The following RIPK1 variants were observed in gnomAD, a reference collection of about 807,000 sequenced individuals.
The protein encoded by RIPK1 is receptor interacting serine/threonine kinase 1.
RIPK1 carries 27 observed loss-of-function variants against 62.4 expected under a neutral mutation model. That is an observed-to-expected ratio of 0.43 (90% CI 0.32 to 0.60). The LOEUF is 0.60. Ranked by LOEUF, RIPK1 falls within the 20% of genes least tolerant of loss-of-function variation. RIPK1 has a pLI of 0.07. For synonymous variants in RIPK1, 287 were observed against 303.2 expected, an observed-to-expected ratio of 0.95 and a Z score of 0.55; for missense variants, 735 against 831.0, an observed-to-expected ratio of 0.88 and a Z score of 1.42.
chr6:3,072,408 ACAC>A lies in RIPK1; in HGVS notation c.-61+3748_-61+3750del, dbSNP rs1758771893. ...CTATTTACATATATATATATATAAA[ACAC>A]ACACAAATGTGAATATAATTTTTAC... On this transcript the variant is annotated intron_variant, in intron 1 of 10. Coordinates refer to ENST00000259808, the MANE Select transcript of RIPK1 (RefSeq NM_001354930.2). The surrounding 1 kb of genome is among the most constrained non-coding windows in gnomAD (Gnocchi z 5.6). 1.4e-5 allele frequency among the ~76,000 whole-genome samples: 2 copies of A among 147,124 alleles called. No homozygotes were observed. The highest frequency in any genetic ancestry group is 1.3e-4 in the Admixed American group (2 of 14,932).
rs1425436256 is a variant in RIPK1, at chr6:3,113,268, C to G, written c.1945C>G (p.Leu649Val). The G allele has an allele frequency of 3.7e-6, 6 of 1,613,990 alleles. No individual in the cohort carries two copies. Among genetic ancestry groups the G allele is most frequent in the Non-Finnish European group, 5.1e-6 (6 of 1,180,022 alleles). Residue 649 changes from leucine (L) to valine (V), a missense_variant, in exon 11 of 11, where the codon CTG (leucine) becomes GTG (valine). Coordinates refer to ENST00000259808, the MANE Select transcript of RIPK1 (RefSeq NM_001354930.2). The surrounding 1 kb of genome is among the most constrained non-coding windows in gnomAD (Gnocchi z 5.0). ...EGIKGATVGK[L>V]AQALHQCSRI... ...CATAAAGGGAGCCACGGTGGGGAAG[C>G]TGGCCCAGGCGCTCCACCAGTGTTC...
intron 7 of RIPK1, among the ~76,000 whole-genome samples, chr6:3,094,998 G>A (rs1292819175): frequency 6.6e-6 from 1 of 152,018 alleles, no homozygotes. Context: ...TTTGAGGCTG[G>A]AGTAAGCTAT....
chr6:3,073,303 T>C (rs1241650954), intron 1 of RIPK1, among the ~76,000 whole-genome samples: 2 of 151,792 alleles, frequency 1.3e-5, no homozygotes, highest in East Asian at 3.9e-4. Context: ...TACGTATACA[T>C]ACATGAACGT....
upstream of RIPK1, chr6:3,068,488 G>A (rs529314043): frequency 1.9e-3 from 1,895 of 985,286 alleles, 13 homozygotes; most frequent in African/African-American, 0.017. Flanking sequence ...AGGAGGCAGC[G>A]CGAACAGTCC....
Position 3,077,905 on chromosome 6 carries a change from G to T in RIPK1, c.291G>T (p.Lys97Asn), listed in dbSNP as rs776087269. 2.5e-5 allele frequency: 41 copies of T among 1,614,070 alleles called. No homozygotes were observed. The highest frequency in any genetic ancestry group is 3.4e-5 in the Non-Finnish European group (40 of 1,180,046). The change falls in exon 3 of 11, where the codon AAG becomes AAT. Residue 97 changes from lysine (K) to asparagine (N), a missense_variant. Physicochemically the swap from Lys to Asn is moderately conservative, Grantham distance 94. This residue lies in a region of RIPK1 where 671 missense variants were observed against 726.2 expected (regional missense o/e 0.92). Coordinates refer to ENST00000259808, the MANE Select transcript of RIPK1 (RefSeq NM_001354930.2). ...CCCTGGTGATGGAGTACATGGAGAAGGGCAACCTGATGCACGTGCTGAAAG... is the reference window on the plus strand; with the variant it reads ...CCCTGGTGATGGAGTACATGGAGAATGGCAACCTGATGCACGTGCTGAAAG... ...KYSLVMEYMEKGNLMHVLKAE... is the reference protein window; with the variant it reads ...KYSLVMEYMENGNLMHVLKAE...
chr6:3,067,051 AT>A (rs36132424), upstream of RIPK1, among the ~76,000 whole-genome samples: 2,015 of 59,040 alleles, frequency 0.034, 23 homozygotes, highest in African/African-American at 0.1. Flanking sequence ...TTGCTCCAGG[AT>A]TTTTTTTTTT....
At position 3,089,601 on chromosome 6, in the gene RIPK1, C is replaced by G; in HGVS notation, c.859C>G (p.Pro287Ala). The G allele has an allele frequency of 6.4e-7, 1 of 1,560,530 alleles. No homozygotes were observed. Among genetic ancestry groups the G allele is most frequent in the Non-Finnish European group, 8.8e-7 (1 of 1,135,758 alleles). ...TFPGIEEKFR[P>A]FYLSQLEESV... The stretch of plus-strand genomic sequence containing the variant: ...TACAGGCATTGAAGAAAAATTTAGG[C>G]CTTTTTATTTAAGTCAATTAGAAGA... The change falls in exon 7 of 11, where the codon CCT (proline) becomes GCT (alanine). Residue 287 changes from proline (P) to alanine (A), a missense_variant. Physicochemically the swap from Pro to Ala is conservative, Grantham distance 27. This residue lies in a region of RIPK1 where 671 missense variants were observed against 726.2 expected (regional missense o/e 0.92). Coordinates refer to ENST00000259808, the MANE Select transcript of RIPK1 (RefSeq NM_001354930.2).
intron 9 of RIPK1, among the ~76,000 whole-genome samples, chr6:3,107,227 G>C (rs1201588747): frequency 6.6e-6 from 1 of 150,728 alleles, no homozygotes; most frequent in Non-Finnish European, 1.5e-5. Context: ...ACTCCAGCCT[G>C]GGCAACAGAG....
chr6:3,098,315 C>A (rs777635963), intron 7 of RIPK1, among the ~76,000 whole-genome samples: 1 of 152,146 alleles, frequency 6.6e-6, no homozygotes, highest in Non-Finnish European at 1.5e-5. Flanking sequence ...CCAGTTAAAA[C>A]AGGGATGAAA....
At chr6:3,065,120 G>A (rs1441314647), upstream of RIPK1, among the ~76,000 whole-genome samples, 5 of 151,950 alleles carry the variant, frequency 3.3e-5, no homozygotes, top group African/African-American at 1.2e-4. Context: ...AGCCGGGCGT[G>A]GTGGCGGGCG....
In RIPK1 at chr6:3,083,071, A is replaced by C; in HGVS notation, c.460-14A>C. ...CTTCACCAAACAATCCCAGTGGCTCAATGTCTTTCGCAGATCGCAGACCTC... is the reference window on the plus strand; with the variant it reads ...CTTCACCAAACAATCCCAGTGGCTCCATGTCTTTCGCAGATCGCAGACCTC... On this transcript the variant is annotated splice_polypyrimidine_tract_variant and intron_variant, in intron 4 of 10. Transcript: ENST00000259808. The C allele has an allele frequency of 6.2e-7, 1 of 1,612,982 alleles. No individual in the cohort carries two copies. Among genetic ancestry groups the C allele is most frequent in the Non-Finnish European group, 8.5e-7 (1 of 1,178,960 alleles).
intron 7 of RIPK1, among the ~76,000 whole-genome samples, chr6:3,099,854 C>A (rs1760505558): frequency 6.6e-6 from 1 of 152,186 alleles, no homozygotes; most frequent in Non-Finnish European, 1.5e-5. Flanking sequence ...CAGTTCTACT[C>A]TCAGTAATCT....
intron 7 of RIPK1, among the ~76,000 whole-genome samples, chr6:3,101,648 G>GA (rs1311046153): frequency 6.6e-6 from 1 of 151,920 alleles, no homozygotes; most frequent in Non-Finnish European, 1.5e-5. Context: ...AAACTTGAAG[G>GA]AAAAATACCA....
At chr6:3,065,880 T>A (rs1297024395), upstream of RIPK1, among the ~76,000 whole-genome samples, 1 of 152,198 alleles carries the variant, frequency 6.6e-6, no homozygotes, top group Non-Finnish European at 1.5e-5. Context: ...CCCAAATAGA[T>A]GTTTCTGAGT....
chr6:3,068,486 G>C, upstream of RIPK1: 1 of 985,316 alleles, frequency 1.0e-6, no homozygotes, highest in Non-Finnish European at 1.2e-6. Flanking sequence ...GGAGGAGGCA[G>C]CGCGAACAGT....
chr6:3,082,931 G>T (rs1242005295), intron 4 of RIPK1, among the ~76,000 whole-genome samples, 154 bp from the exon 5 acceptor site: 1 of 152,198 alleles, frequency 6.6e-6, no homozygotes, highest in East Asian at 1.9e-4. Flanking sequence ...CTATGAGTCT[G>T]TTGAGAAGTC....
chr6:3,086,634 G>A (rs886601112), intron 6 of RIPK1, among the ~76,000 whole-genome samples: 5 of 152,224 alleles, frequency 3.3e-5, no homozygotes, highest in Non-Finnish European at 4.4e-5. Context: ...GATGTACAAG[G>A]TGAGGTATGG....
chr6:3,103,144 T>C (rs1760672356), intron 7 of RIPK1, among the ~76,000 whole-genome samples: 1 of 152,138 alleles, frequency 6.6e-6, no homozygotes, highest in Non-Finnish European at 1.5e-5. Context: ...ATATCTTCTA[T>C]GGAGAAACTG....
Position 3,079,457 on chromosome 6 carries a change from G to A in RIPK1, c.321+1522G>A, listed in dbSNP as rs529913591. Among the ~76,000 whole-genome samples the A allele has an allele frequency of 5.3e-5, 8 of 152,268 alleles. No homozygotes were observed. The South Asian group carries it at 8.3e-4, about 16-fold the overall frequency. On this transcript the variant is annotated intron_variant, in intron 3 of 10. Transcript: ENST00000259808. ...CACTCAGCCTGGAATAGACAGAAAA[G>A]GCTTCCAATGTGAAGGACATGTAGA...
Sources: gnomAD v4.1 joint callset for allele counts (sites outside exome capture counted in the v4.1 genomes callset) on GRCh38, gnomAD v4.1.1 for gene constraint, gnomAD v4.1.1 regional missense constraint, Gnocchi (gnomAD v3.1) non-coding constraint, MANE v1.5 for transcripts, NCBI Gene and HGNC (gene_info 2026-07-23, HGNC 2026-07-21) for gene names.